DNAH11: variants seen among roughly 807,000 people sequenced by gnomAD.
DNAH11 encodes the protein axonemal beta dynein heavy chain 11.
Under a neutral mutation model 526.0 loss-of-function variants are expected in DNAH11, and 442 were observed. The ratio of observed to expected loss-of-function variants is 0.84; its 90% CI spans 0.78 to 0.91. The LOEUF (loss-of-function observed/expected upper bound fraction) is 0.91, where lower values mean the gene tolerates loss of function less well. Ranked by LOEUF, DNAH11 falls within the 40% of genes least tolerant of loss-of-function variation. The probability of loss-of-function intolerance (pLI) is 0.00; values close to 1 mark genes in which losing one functional copy is unlikely to be tolerated. For synonymous variants in DNAH11, 2,461 were observed against 1,935.9 expected (o/e 1.27, Z -7.12); for missense variants, 6,989 against 5,448.7 (o/e 1.28, Z -8.90).
intron 66 of DNAH11, among the ~76,000 whole-genome samples, chr7:21,844,726 G>A (rs1186812922): frequency 6.6e-6 from 1 of 152,190 alleles, no homozygotes; most frequent in African/African-American, 2.4e-5. Flanking sequence ...AGAAACTCTG[G>A]TTGGGGGTCC....
chr7:21,765,638 ACACACACACACACACACACACT>A, intron 55 of DNAH11, 49 bp downstream of exon 55: 2 of 1,438,522 alleles, frequency 1.4e-6, no homozygotes, highest in Non-Finnish European at 1.8e-6. Flanking sequence ...ACACACACAC[ACACACACACACACACACACACT>A]CTGAAAATCC....
chr7:21,547,721 G>A (rs1048716315), intron 2 of DNAH11, among the ~76,000 whole-genome samples: 3 of 152,172 alleles, frequency 2.0e-5, no homozygotes, highest in African/African-American at 7.2e-5. Flanking sequence ...TCCTCAGGCT[G>A]GCTGCCAGTA....
intron 65 of DNAH11, among the ~76,000 whole-genome samples, chr7:21,837,093 C>G (rs1306641235): frequency 6.6e-6 from 1 of 152,094 alleles, no homozygotes; most frequent in Non-Finnish European, 1.5e-5. Context: ...CAAAAAATAA[C>G]AATTGCTAGA....
In DNAH11 at chr7:21,899,405, C is replaced by T. The variant is rs774789390; in HGVS notation, c.13119C>T (p.Val4373=). The change falls in exon 80 of 82, where the codon GTC becomes GTT. Residue 4373 remains valine (V), a synonymous_variant. Transcript: ENST00000409508. ...TWTQDLTLPA[V]VWLSGFFNPQ... ...CACAAGACCTTACCCTTCCGGCTGT[C>T]GTGTGGCTCTCCGGCTTCTTCAACC... 1.7e-5 allele frequency: 27 copies of T among 1,613,830 alleles called. No homozygotes were observed. The East Asian group carries it at 2.0e-4, about 12-fold the overall frequency.
At chr7:21,704,880 C>T (rs1041216494) in intron 38 of DNAH11, among the ~76,000 whole-genome samples, 13 of 152,210 alleles carry the variant, frequency 8.5e-5, no homozygotes, top group Middle Eastern at 3.4e-3. Flanking sequence ...AATTAGGTTA[C>T]AAAACTTGTT....
intron 34 of DNAH11, among the ~76,000 whole-genome samples, chr7:21,689,425 C>A (rs117026725): frequency 6.6e-6 from 1 of 152,194 alleles, no homozygotes; most frequent in Non-Finnish European, 1.5e-5. Flanking sequence ...TTCTTGACTT[C>A]ATGAGCTTAT....
chr7:21,846,545 C>T (rs1046248316), intron 66 of DNAH11, among the ~76,000 whole-genome samples: 5 of 152,058 alleles, frequency 3.3e-5, no homozygotes, highest in Non-Finnish European at 7.4e-5. Context: ...GACTTGCATA[C>T]CTGGAATAAA....
In DNAH11 at chr7:21,720,761, GAAAATGTA is replaced by G; in HGVS notation, c.7172_7179del (p.Glu2391AlafsTer3). ...TCTTTTGGAGTGCTTGCTGACTCCT[GAAAATGTA>G]CCTTCTGACAGCCCAAAAGAAGTTT... is the stretch of plus-strand genomic sequence containing the variant. On this transcript the variant is annotated frameshift_variant, in exon 44 of 82. Coordinates refer to ENST00000409508, the MANE Select transcript of DNAH11 (RefSeq NM_001277115.2). LOFTEE classifies it high-confidence loss of function. The G allele has an allele frequency of 6.3e-7, 1 of 1,594,442 alleles. No individual in the cohort carries two copies. Among genetic ancestry groups the G allele is most frequent in the Non-Finnish European group, 8.6e-7 (1 of 1,169,544 alleles).
chr7:21,832,846 A>T (rs1781843304), intron 65 of DNAH11, among the ~76,000 whole-genome samples: 2 of 152,180 alleles, frequency 1.3e-5, no homozygotes, highest in Non-Finnish European at 2.9e-5. Flanking sequence ...ACAAAGCCTA[A>T]AATATTTACT....
chr7:21,808,159 C>T, intron 63 of DNAH11, 110 bp downstream of exon 63: 1 of 783,782 alleles, frequency 1.3e-6, no homozygotes. Context: ...TGAGAACTGA[C>T]CAGAAATTCC....
chr7:21,702,419 G>A (rs755821769), intron 36 of DNAH11, among the ~76,000 whole-genome samples: 8 of 151,876 alleles, frequency 5.3e-5, no homozygotes, highest in Non-Finnish European at 8.8e-5. Flanking sequence ...CAGGTCTGTT[G>A]AGAGAGTACA....
intron 2 of DNAH11, among the ~76,000 whole-genome samples, chr7:21,555,508 G>C (rs1208962864): frequency 2.6e-5 from 4 of 152,168 alleles, no homozygotes; most frequent in Non-Finnish European, 5.9e-5. Context: ...CACCCCAATT[G>C]CTTTGCCTGT....
chr7:21,559,027 A>G (rs754539559), intron 3 of DNAH11, 29 bp downstream of exon 3: 2 of 1,538,898 alleles, frequency 1.3e-6, no homozygotes, highest in African/African-American at 1.4e-5. Flanking sequence ...TATACAGGAT[A>G]TTAAAGTAGA....
rs75169763 is a variant in DNAH11, at chr7:21,574,502, G to T, written c.1593+2529G>T. Among the ~76,000 whole-genome samples the T allele has an allele frequency of 5.2e-3, 793 of 151,470 alleles. 4 individuals are homozygous for T. The highest frequency in any genetic ancestry group is 0.014 in the Middle Eastern group (4 of 286). ...TTGGTGGAATGGAAGTTTGAATCCA[G>T]AACTCTCAACCACAAGCCCTGCATA... On this transcript the variant is annotated intron_variant, in intron 8 of 81. Transcript: ENST00000409508.
intron 68 of DNAH11, among the ~76,000 whole-genome samples, chr7:21,858,043 A>G (rs1363537161): frequency 6.6e-6 from 1 of 152,226 alleles, no homozygotes; most frequent in African/African-American, 2.4e-5. Context: ...AAGAATTTGT[A>G]TCAGGATATA....
chr7:21,764,886 G>A (rs908133132), intron 54 of DNAH11, among the ~76,000 whole-genome samples: 1 of 152,212 alleles, frequency 6.6e-6, no homozygotes, highest in South Asian at 2.1e-4. Context: ...AAAGACCAGT[G>A]TGATGGTATA....
chr7:21,704,559 C>T lies in DNAH11; in HGVS notation c.6399C>T (p.His2133=). The T allele has an allele frequency of 6.2e-7, 1 of 1,613,812 alleles. No homozygotes were observed. Among genetic ancestry groups the T allele is most frequent in the Middle Eastern group, 1.6e-4 (1 of 6,062 alleles). Residue 2133 remains histidine (H), a synonymous_variant, in exon 38 of 82, where the codon CAC becomes CAT. Coordinates refer to ENST00000409508, the MANE Select transcript of DNAH11 (RefSeq NM_001277115.2). ...ATGTGCCCCGGAGGAGGAAGCTGCA[C>T]TTTGAACAGATGGTCAGGCAGTCTA... ...ALDVPRRRKL[H]FEQMVRQSTL...
chr7:21,603,278 G>A lies in DNAH11; in HGVS notation c.3648+1660G>A, dbSNP rs114727914. On this transcript the variant is annotated intron_variant, in intron 18 of 81. Transcript: ENST00000409508. ...CTGAATAACATTCCATTGTATGTCC[G>A]TCCATACCACCATTGGCTTATCCAC... Among the ~76,000 whole-genome samples the A allele has an allele frequency of 3.3e-3, 500 of 152,200 alleles. 1 individual carries two copies. The highest frequency in any genetic ancestry group is 0.011 in the African/African-American group (475 of 41,532).
At chr7:21,620,908 G>A (rs1391135447) in intron 25 of DNAH11, among the ~76,000 whole-genome samples, 1 of 151,786 alleles carries the variant, frequency 6.6e-6, no homozygotes, top group Admixed American at 6.6e-5. Flanking sequence ...CATTTTTTAT[G>A]GCTGCATAGT....
Sources: allele counts gnomAD v4.1 joint callset (sites outside exome capture counted in the v4.1 genomes callset), GRCh38; gene constraint gnomAD v4.1.1; transcripts MANE v1.5; gene names NCBI Gene and HGNC (gene_info 2026-07-23, HGNC 2026-07-21).